Variants in GPD2 observed in about 807,000 individuals in gnomAD.
The protein encoded by GPD2 is glycerol-3-phosphate dehydrogenase, mitochondrial.
A neutral mutation model predicts 82.4 loss-of-function variants in GPD2; 54 were observed. That is an observed-to-expected ratio of 0.66 (90% CI 0.53 to 0.82). The LOEUF (loss-of-function observed/expected upper bound fraction) is 0.82, where lower values mean the gene tolerates loss of function less well. GPD2 is among the 40% of genes least tolerant of loss of function. The pLI, the probability that GPD2 is intolerant of heterozygous loss-of-function variation, is 0.00. For synonymous variants in GPD2, 288 were observed against 306.1 expected, an observed-to-expected ratio of 0.94 and a Z score of 0.62; for missense variants, 748 against 896.2, an observed-to-expected ratio of 0.83 and a Z score of 2.11.
chr2:156,582,700 CCT>C, intron 16 of GPD2, 91 bp from the exon 17 acceptor site: 4 of 1,360,646 alleles, frequency 2.9e-6, no homozygotes, highest in Non-Finnish European at 4.2e-6. Context: ...CACTTAATTA[CCT>C]CTGTCTGCTG....
At chr2:156,518,185 G>T (rs954168823) in intron 6 of GPD2, among the ~76,000 whole-genome samples, 1 of 152,158 alleles carries the variant, frequency 6.6e-6, no homozygotes, top group African/African-American at 2.4e-5. Flanking sequence ...AATTCAGCTC[G>T]TGAGAGAGCA....
intron 1 of GPD2, among the ~76,000 whole-genome samples, chr2:156,469,480 T>A (rs1407967069): frequency 6.6e-6 from 1 of 152,218 alleles, no homozygotes; most frequent in African/African-American, 2.4e-5. Flanking sequence ...TCATTCTTTT[T>A]TATGGCTGAA....
chr2:156,528,442 TTTA>T lies in GPD2; in HGVS notation c.661+14957_661+14959del. On this transcript the variant is annotated intron_variant, in intron 6 of 16. Transcript: ENST00000438166. ...TCTTTTATTTATTTATTTATTTATT[TTTA>T]TTATTATTATACTTTAAGTTTTAGG... 1.3e-5 allele frequency among the ~76,000 whole-genome samples: 2 copies of T among 151,476 alleles called. 1 individual carries two copies. The highest frequency in any genetic ancestry group is 4.8e-5 in the African/African-American group (2 of 41,444).
intron 1 of GPD2, among the ~76,000 whole-genome samples, chr2:156,457,813 G>T (rs942567329): frequency 2.6e-5 from 4 of 152,242 alleles, no homozygotes; most frequent in African/African-American, 4.8e-5. Context: ...AGAGCTTATT[G>T]TAGATGCTCA....
chr2:156,498,558 A>C (rs767737268), intron 3 of GPD2, among the ~76,000 whole-genome samples: 1 of 152,198 alleles, frequency 6.6e-6, no homozygotes, highest in Non-Finnish European at 1.5e-5. Context: ...CATTGAGGCT[A>C]TATATGAGAG....
the GPD2 span, among the ~76,000 whole-genome samples, chr2:156,409,529 C>T: frequency 6.6e-6 from 1 of 151,688 alleles, no homozygotes; most frequent in Middle Eastern, 3.2e-3. Flanking sequence ...GACCCCCCAA[C>T]TCCACAAAAA....
intron 1 of GPD2, among the ~76,000 whole-genome samples, chr2:156,464,516 G>A (rs551659344): frequency 6.6e-6 from 1 of 152,166 alleles, no homozygotes; most frequent in East Asian, 1.9e-4. Flanking sequence ...TTTTCCTAGG[G>A]ATCTTCTCTC....
chr2:156,442,667 G>A (rs1014495580), intron 1 of GPD2, among the ~76,000 whole-genome samples: 2 of 152,018 alleles, frequency 1.3e-5, no homozygotes, highest in Non-Finnish European at 2.9e-5. Context: ...AATAAGCTGC[G>A]TCTGGTGGTG....
chr2:156,464,908 T>C (rs1683098615), intron 1 of GPD2, among the ~76,000 whole-genome samples: 1 of 151,976 alleles, frequency 6.6e-6, no homozygotes, highest in Non-Finnish European at 1.5e-5. Context: ...TGGTGTGCAG[T>C]GGCATGATCT....
intron 13 of GPD2, among the ~76,000 whole-genome samples, chr2:156,574,388 G>A (rs1028129906): frequency 2.6e-5 from 4 of 152,090 alleles, no homozygotes; most frequent in Admixed American, 6.6e-5. Context: ...TTTCCAAAAA[G>A]GAACTTATTG....
At chr2:156,425,891 T>C in the GPD2 span, among the ~76,000 whole-genome samples, 1 of 151,920 alleles carries the variant, frequency 6.6e-6, no homozygotes, top group Non-Finnish European at 1.5e-5. Flanking sequence ...TTCGTTTTCA[T>C]ACTAGTGTAA....
intron 6 of GPD2, among the ~76,000 whole-genome samples, chr2:156,547,494 C>T (rs1198210360): frequency 2.0e-5 from 3 of 152,142 alleles, no homozygotes. Context: ...TGAACCATGG[C>T]AGACGAGGAT....
chr2:156,574,118 AG>A (rs1687733468), intron 13 of GPD2, among the ~76,000 whole-genome samples: 1 of 152,184 alleles, frequency 6.6e-6, no homozygotes, highest in Non-Finnish European at 1.5e-5. Flanking sequence ...CTGTCACTCA[AG>A]ACCAAAATCC....
chr2:156,481,013 T>C (rs1277069583), intron 2 of GPD2, among the ~76,000 whole-genome samples: 1 of 151,874 alleles, frequency 6.6e-6, no homozygotes, highest in South Asian at 2.1e-4. Context: ...GAAATTCTCA[T>C]TGATTGGTGT....
intron 1 of GPD2, among the ~76,000 whole-genome samples, chr2:156,469,475 C>CT (rs1378700448): frequency 1.3e-5 from 2 of 152,104 alleles, no homozygotes; most frequent in Non-Finnish European, 1.5e-5. Flanking sequence ...TGATCTCATT[C>CT]TTTTTTATGG....
the GPD2 span, among the ~76,000 whole-genome samples, chr2:156,419,620 C>T: frequency 6.6e-6 from 1 of 152,140 alleles, no homozygotes; most frequent in African/African-American, 2.4e-5. Context: ...TTCTTAGCCT[C>T]TTTTGTTTTC....
chr2:156,529,682 T>G (rs1208994549), intron 6 of GPD2, among the ~76,000 whole-genome samples: 1 of 151,284 alleles, frequency 6.6e-6, no homozygotes, highest in East Asian at 2.0e-4. Flanking sequence ...CCAGCACCAT[T>G]TATTAAATAG....
intron 8 of GPD2, among the ~76,000 whole-genome samples, chr2:156,551,785 A>G (rs1474577556): frequency 1.3e-5 from 2 of 152,142 alleles, no homozygotes; most frequent in Non-Finnish European, 2.9e-5. Flanking sequence ...ATAGGACTTG[A>G]TATTTTATGT....
chr2:156,531,025 A>G (rs940402550), intron 6 of GPD2, among the ~76,000 whole-genome samples: 2 of 152,210 alleles, frequency 1.3e-5, no homozygotes, highest in Non-Finnish European at 2.9e-5. Context: ...AAGCATAAAC[A>G]TTATTAACAC....
Sources: allele counts gnomAD v4.1 joint callset (sites outside exome capture counted in the v4.1 genomes callset), GRCh38; gene constraint gnomAD v4.1.1; transcripts MANE v1.5; gene names NCBI Gene and HGNC (gene_info 2026-07-23, HGNC 2026-07-21).